The following PITPNC1 variants were observed in gnomAD, a reference collection of about 807,000 sequenced individuals.
PITPNC1 encodes the protein cytoplasmic phosphatidylinositol transfer protein 1.
A neutral mutation model predicts 44.7 loss-of-function variants in PITPNC1; 18 were observed. The ratio of observed to expected loss-of-function variants is 0.40; its 90% CI spans 0.28 to 0.60. The LOEUF (loss-of-function observed/expected upper bound fraction) is 0.60, where lower values mean the gene tolerates loss of function less well. PITPNC1 is among the 20% of genes least tolerant of loss of function. PITPNC1 has a pLI of 0.39. For synonymous variants in PITPNC1, 141 were observed against 149.6 expected, an observed-to-expected ratio of 0.94 and a Z score of 0.42; for missense variants, 290 against 418.4, an observed-to-expected ratio of 0.69 and a Z score of 2.68.
chr17:67,578,362 T>G, intron 5 of PITPNC1, 105 bp downstream of exon 5: 2 of 766,446 alleles, frequency 2.6e-6, no homozygotes, highest in Non-Finnish European at 4.5e-6. Context: ...GACCTGTGCC[T>G]GGGACCTCAG....
intron 1 of PITPNC1, among the ~76,000 whole-genome samples, chr17:67,389,504 G>A (rs748397602): frequency 3.9e-5 from 6 of 152,164 alleles, no homozygotes; most frequent in Non-Finnish European, 7.3e-5. Flanking sequence ...CGGCTGACAG[G>A]GCAGGTAGAT....
At chr17:67,558,662 C>T (rs2040870143) in intron 4 of PITPNC1, among the ~76,000 whole-genome samples, 1 of 152,134 alleles carries the variant, frequency 6.6e-6, no homozygotes, top group South Asian at 2.1e-4. Context: ...CCCCTCTCCA[C>T]CGGCATCTCT....
chr17:67,629,413 C>T (rs2041938086), intron 5 of PITPNC1, among the ~76,000 whole-genome samples: 1 of 152,194 alleles, frequency 6.6e-6, no homozygotes, highest in Non-Finnish European at 1.5e-5. Flanking sequence ...GCTGGGATTA[C>T]AGGCACATGC....
At chr17:67,654,686 G>T (rs186820248) in intron 6 of PITPNC1, among the ~76,000 whole-genome samples, 137 of 149,052 alleles carry the variant, frequency 9.2e-4, no homozygotes, top group African/African-American at 2.8e-3. Flanking sequence ...AGGCTGGAGT[G>T]CAGTGGTGCA....
rs372043595 is a variant in PITPNC1 at position 67,507,629 on chromosome 17, C to T, written c.49-25173C>T. On this transcript the variant is annotated intron_variant, in intron 1 of 8. Transcript: ENST00000581322. ...GAACCAGGAGATGGAGGTTTCAGTG[C>T]GCTGGGATCGTACTGCTGCACTCCA... 1.7e-3 allele frequency among the ~76,000 whole-genome samples: 226 copies of T among 136,864 alleles called. 1 individual carries two copies. The highest frequency in any genetic ancestry group is 5.7e-3 in the African/African-American group (207 of 36,220). The allele number at this position is 136,864 out of a possible 152,430, so 89.8% of individuals were successfully genotyped here. A position where few individuals can be genotyped will look rare whatever the true frequency, so the allele number is the denominator to read the frequency against.
chr17:67,665,058 C>A (rs1374299100), intron 6 of PITPNC1, among the ~76,000 whole-genome samples: 1 of 151,840 alleles, frequency 6.6e-6, no homozygotes, highest in Non-Finnish European at 1.5e-5. Flanking sequence ...ATTAGAACAT[C>A]CATGTACATG....
intron 1 of PITPNC1, among the ~76,000 whole-genome samples, chr17:67,470,166 G>T (rs150516668): frequency 2.6e-5 from 4 of 152,188 alleles, no homozygotes; most frequent in Non-Finnish European, 5.9e-5. Flanking sequence ...CGAGTGATCT[G>T]CCCACTTTGG....
intron 6 of PITPNC1, among the ~76,000 whole-genome samples, chr17:67,663,169 C>G (rs1262338929): frequency 6.6e-6 from 1 of 152,128 alleles, no homozygotes; most frequent in Non-Finnish European, 1.5e-5. Context: ...ATGGATATAA[C>G]ACATGTTGTG....
At chr17:67,572,293 T>C (rs979174739) in intron 4 of PITPNC1, among the ~76,000 whole-genome samples, 15 of 151,908 alleles carry the variant, frequency 9.9e-5, no homozygotes, top group African/African-American at 2.9e-4. Context: ...CAGCGCATAT[T>C]TTGAGAAAAA....
rs376148411 is a variant in PITPNC1, at chr17:67,692,672, C to G, written c.783C>G (p.Ile261Met). The change falls in exon 9 of 9, where the codon ATC becomes ATG. Residue 261 changes from isoleucine to methionine, a missense_variant. Transcript: ENST00000581322. ...CACCTGCAATTTCTATCTCCAGCAT[C>G]CCCCTGCTGCCTTCTTCCGTCCGCA... Reference protein sequence around the residue: ...IFPPAISISSIPLLPSSVRSA... With the variant: ...IFPPAISISSMPLLPSSVRSA... 11 of 1,613,300 alleles carry G rather than the reference C, an allele frequency of 6.8e-6. No homozygotes were observed. In the African/African-American group the frequency reaches 1.5e-4, roughly 22 times the overall value.
At chr17:67,678,271 T>C (rs2042640392) in intron 8 of PITPNC1, among the ~76,000 whole-genome samples, 1 of 151,020 alleles carries the variant, frequency 6.6e-6, no homozygotes, top group Non-Finnish European at 1.5e-5. Flanking sequence ...GCTAGAATAA[T>C]GTATCAAAGG....
chr17:67,603,158 C>T (rs1031617422), intron 5 of PITPNC1, among the ~76,000 whole-genome samples: 5 of 152,180 alleles, frequency 3.3e-5, no homozygotes, highest in Non-Finnish European at 7.3e-5. Flanking sequence ...GAGCCACTTG[C>T]TGACTTGAGT....
intron 1 of PITPNC1, among the ~76,000 whole-genome samples, chr17:67,391,716 G>A (rs942489893): frequency 6.6e-6 from 1 of 152,060 alleles, no homozygotes; most frequent in South Asian, 2.1e-4. Context: ...CCTGACCTCA[G>A]GTGATCTGCT....
At position 67,508,824 on chromosome 17, in the gene PITPNC1, C is replaced by T. The variant is rs1005702815; in HGVS notation, c.49-23978C>T. Among the ~76,000 whole-genome samples, 15 of 152,026 alleles carry T rather than the reference C, an allele frequency of 9.9e-5. No individual in the cohort carries two copies. The highest frequency in any genetic ancestry group is 2.1e-4 in the South Asian group (1 of 4,822). ...AGTGTAGAGTTTCAGTTTGTGGTGACGGAACGTTCTAGTGATGGCTGCACA... is the reference window on the plus strand; with the variant it reads ...AGTGTAGAGTTTCAGTTTGTGGTGATGGAACGTTCTAGTGATGGCTGCACA... On this transcript the variant is annotated intron_variant, in intron 1 of 8. Coordinates refer to ENST00000581322, the MANE Select transcript of PITPNC1 (RefSeq NM_012417.4). The surrounding 1 kb of genome is among the most constrained non-coding windows in gnomAD (Gnocchi z 4.2).
chr17:67,593,298 T>C (rs76101824), intron 5 of PITPNC1, among the ~76,000 whole-genome samples: 1,899 of 147,196 alleles, frequency 0.013, 11 homozygotes, highest in Middle Eastern at 0.059. Context: ...AATTTTCTCT[T>C]TTTTTTTTTT....
chr17:67,400,147 C>T (rs1041752739), intron 1 of PITPNC1, among the ~76,000 whole-genome samples: 2 of 152,184 alleles, frequency 1.3e-5, no homozygotes, highest in African/African-American at 4.8e-5. Flanking sequence ...CCTCTAGTGC[C>T]ATAGGTATTT....
intron 5 of PITPNC1, among the ~76,000 whole-genome samples, chr17:67,620,827 G>T (rs2041820014): frequency 6.6e-6 from 1 of 152,156 alleles, no homozygotes; most frequent in Admixed American, 6.5e-5. Context: ...AATAAAAGCA[G>T]TTTACCTCCC....
intron 1 of PITPNC1, among the ~76,000 whole-genome samples, chr17:67,478,820 A>G (rs536328259): frequency 2.6e-4 from 40 of 152,134 alleles, no homozygotes; most frequent in Non-Finnish European, 4.4e-4. Context: ...GACTTGGCCA[A>G]TGCTCACTCC....
intron 7 of PITPNC1, among the ~76,000 whole-genome samples, chr17:67,672,961 T>G (rs991834726): frequency 1.3e-5 from 2 of 152,206 alleles, no homozygotes; most frequent in African/African-American, 2.4e-5. Context: ...GAATTCTGGT[T>G]TCCAGCCGAC....
Sources: allele counts gnomAD v4.1 joint callset (sites outside exome capture counted in the v4.1 genomes callset), GRCh38; gene constraint gnomAD v4.1.1; non-coding constraint Gnocchi (gnomAD v3.1); transcripts MANE v1.5; gene names NCBI Gene and HGNC (gene_info 2026-07-23, HGNC 2026-07-21).